The following NCEH1 variants were observed in gnomAD, a reference collection of about 807,000 sequenced individuals.
NCEH1 encodes the protein neutral cholesterol ester hydrolase 1, also known as 2-acetyl MAGE hydrolase.
NCEH1 carries 9 observed loss-of-function variants against 25.4 expected under a neutral mutation model. The observed-to-expected ratio is 0.35, with a 90% CI of 0.21 to 0.62. The LOEUF is 0.62. NCEH1 is among the 20% of genes least tolerant of loss of function. The probability of loss-of-function intolerance (pLI) is 0.72; values close to 1 mark genes in which losing one functional copy is unlikely to be tolerated. For missense variants in NCEH1, 412 were observed against 501.1 expected, an observed-to-expected ratio of 0.82 and a Z score of 1.70; for synonymous variants, 200 against 199.8, an observed-to-expected ratio of 1.00 and a Z score of -0.01.
At chr3:172,673,696 AG>A (rs928642494) in intron 1 of NCEH1, among the ~76,000 whole-genome samples, 51 of 152,240 alleles carry the variant, frequency 3.3e-4, no homozygotes, top group African/African-American at 1.2e-3. Context: ...GAAACAGATT[AG>A]CTGATCAGGC....
chr3:172,673,244 C>A (rs1208482988), intron 1 of NCEH1, among the ~76,000 whole-genome samples: 3 of 152,200 alleles, frequency 2.0e-5, no homozygotes, highest in Non-Finnish European at 4.4e-5. Flanking sequence ...CATAGTAGCT[C>A]TACTAGTCAG....
At chr3:172,669,832 C>T (rs1431493466) in intron 1 of NCEH1, among the ~76,000 whole-genome samples, 2 of 152,160 alleles carry the variant, frequency 1.3e-5, no homozygotes, top group Non-Finnish European at 2.9e-5. Flanking sequence ...CCACTGTGTC[C>T]AGCTCATATC....
chr3:172,663,522 C>T (rs959975594), intron 1 of NCEH1, among the ~76,000 whole-genome samples: 3 of 152,118 alleles, frequency 2.0e-5, no homozygotes, highest in African/African-American at 7.2e-5. Context: ...TTTTTATTAA[C>T]TTTCTGCCTC....
chr3:172,676,428 G>A (rs1712001859), intron 1 of NCEH1, among the ~76,000 whole-genome samples: 1 of 152,010 alleles, frequency 6.6e-6, no homozygotes, highest in African/African-American at 2.4e-5. Flanking sequence ...ATGGCGATCC[G>A]TATTTGCATA....
In NCEH1 at chr3:172,632,365, A is replaced by T. The variant is rs1422328957; in HGVS notation, c.*1110T>A. 2 of 152,336 alleles carry T rather than the reference A, an allele frequency of 1.3e-5. No homozygotes were observed. The allele number at this position is 152,336 out of a possible 1,614,324, so 9.4% of individuals were successfully genotyped here. ...TTTTTAAAAAATACCATTGTTTTTA[A>T]TATTTATTATGGACATCTTTCTGAA... On this transcript the variant is annotated 3_prime_UTR_variant, in exon 5 of 5. Transcript: ENST00000475381.
intron 1 of NCEH1, among the ~76,000 whole-genome samples, chr3:172,649,215 G>A (rs1717276229): frequency 6.6e-6 from 1 of 151,912 alleles, no homozygotes; most frequent in African/African-American, 2.4e-5. Context: ...AACTGTGTGT[G>A]TATATTTTAT....
Position 172,633,377 on chromosome 3 carries a change from G to A in NCEH1, c.*98C>T. The A allele has an allele frequency of 9.0e-7, 1 of 1,115,842 alleles. No individual in the cohort carries two copies. The highest frequency in any genetic ancestry group is 1.5e-5 in the South Asian group (1 of 66,136). 69.1% of individuals were successfully genotyped at this position (1,115,842 alleles called of 1,614,324 possible). On this transcript the variant is annotated 3_prime_UTR_variant, in exon 5 of 5. Transcript: ENST00000475381. ...AATTCCATAACTCGCAAGTAGAGGG[G>A]AATGGGAGGAAGAATTAGTCAACTA... is the stretch of plus-strand genomic sequence containing the variant.
At chr3:172,635,799 A>G in intron 4 of NCEH1, 117 bp downstream of exon 4, 2 of 882,082 alleles carry the variant, frequency 2.3e-6, no homozygotes, top group African/African-American at 1.7e-5. Flanking sequence ...CAATTTGGCC[A>G]TCTAGTGACC....
chr3:172,687,787 T>TA (rs941325221), intron 1 of NCEH1, among the ~76,000 whole-genome samples: 6 of 152,308 alleles, frequency 3.9e-5, no homozygotes, highest in African/African-American at 1.4e-4. Context: ...GGCAATGAGT[T>TA]AAAAAATGTT....
intron 1 of NCEH1, 66 bp downstream of exon 1, chr3:172,710,781 T>TA: frequency 6.4e-7 from 1 of 1,569,034 alleles, no homozygotes; most frequent in South Asian, 1.1e-5. Flanking sequence ...GGCGGAGGAA[T>TA]TTTGTATCCC....
chr3:172,704,970 G>C (rs1432806422), intron 1 of NCEH1, among the ~76,000 whole-genome samples: 2 of 152,198 alleles, frequency 1.3e-5, no homozygotes, highest in African/African-American at 4.8e-5. Flanking sequence ...TTCAATCCAT[G>C]TTAAGTCTAG....
chr3:172,688,986 C>T (rs941090804), intron 1 of NCEH1, among the ~76,000 whole-genome samples: 3 of 152,156 alleles, frequency 2.0e-5, no homozygotes, highest in African/African-American at 4.8e-5. Flanking sequence ...TTCACATATG[C>T]GATCTAATGT....
rs780324526 is a variant in NCEH1, at chr3:172,710,844, C to T, written c.138+3G>A. Reference sequence around the variant, plus strand: ...AGAGAAGCAGCGCTGGGCTGCACCTCACCACTTGCTGTGCACCCCGGAAAG... The same window carrying T: ...AGAGAAGCAGCGCTGGGCTGCACCTTACCACTTGCTGTGCACCCCGGAAAG... On this transcript the variant is annotated splice_donor_region_variant and intron_variant, in intron 1 of 4. Transcript: ENST00000475381. 10 of 1,613,832 alleles carry T rather than the reference C, an allele frequency of 6.2e-6. No homozygotes were observed. The Admixed American group carries it at 1.3e-4, about 22-fold the overall frequency.
At chr3:172,641,532 A>C (rs932708842) in intron 3 of NCEH1, among the ~76,000 whole-genome samples, 1 of 152,174 alleles carries the variant, frequency 6.6e-6, no homozygotes, top group East Asian at 1.9e-4. Flanking sequence ...ATCCACATGA[A>C]AGAATAGCAA....
chr3:172,696,605 C>T (rs1713389892), intron 1 of NCEH1, among the ~76,000 whole-genome samples: 1 of 152,170 alleles, frequency 6.6e-6, no homozygotes, highest in African/African-American at 2.4e-5. Context: ...TGGGTTATGT[C>T]CTCTGTTCAA....
At position 172,633,971 on chromosome 3, in the gene NCEH1, G is replaced by A; in HGVS notation, c.731C>T (p.Pro244Leu). 6.2e-7 allele frequency: 1 copy of A among 1,614,184 alleles called. No homozygotes were observed. Among genetic ancestry groups the A allele is most frequent in the Non-Finnish European group, 8.5e-7 (1 of 1,180,022 alleles). The change falls in exon 5 of 5, where the codon CCC (proline) becomes CTC (leucine). Residue 244 changes from proline (P) to leucine (L), a missense_variant. Pro to Leu is a moderately conservative substitution (Grantham distance 98, BLOSUM62 -3). Around this residue, in one of 3 missense-constraint regions of NCEH1, gnomAD observed 210 missense variants for 258.2 expected, o/e 0.81. Transcript: ENST00000475381. ...YQQNVNTPILPRYVMVKYWVD... is the reference protein window; with the variant it reads ...YQQNVNTPILLRYVMVKYWVD... The stretch of plus-strand genomic sequence containing the variant: ...CCAATACTTCACCATGACATAGCGG[G>A]GCAGGATTGGGGTGTTCACATTTTG...
rs10701435 is a variant in NCEH1 at position 172,701,449 on chromosome 3, C to CTTTTTTTTTTTTTTTTTTTTTTTTTT, written c.138+9397_138+9398insAAAAAAAAAAAAAAAAAAAAAAAAAA. Among the ~76,000 whole-genome samples the CTTTTTTTTTTTTTTTTTTTTTTTTTT allele has an allele frequency of 2.7e-5, 3 of 110,938 alleles. 1 individual carries two copies. The highest frequency in any genetic ancestry group is 1.2e-4 in the African/African-American group (3 of 24,188). The allele number at this position is 110,938 out of a possible 152,430, so 72.8% of individuals were successfully genotyped here. On this transcript the variant is annotated intron_variant, in intron 1 of 4. Coordinates refer to ENST00000475381, the MANE Select transcript of NCEH1 (RefSeq NM_020792.6). Reference sequence around the variant, plus strand: ...TAGTGCTTCCTAGATGGTCTTTTGCCTTTTTTTTTTTTTTTTTAAAGACGG... The same window carrying CTTTTTTTTTTTTTTTTTTTTTTTTTT: ...TAGTGCTTCCTAGATGGTCTTTTGCCTTTTTTTTTTTTTTTTTTTTTTTTTTTTTTTTTTTTTTTTTTTAAAGACGG...
chr3:172,645,095 T>G (rs1360670968), intron 3 of NCEH1, among the ~76,000 whole-genome samples: 2 of 152,222 alleles, frequency 1.3e-5, no homozygotes, highest in African/African-American at 4.8e-5. Context: ...TTATAATTAT[T>G]ATTCACATTC....
At chr3:172,673,006 C>T (rs56142211) in intron 1 of NCEH1, among the ~76,000 whole-genome samples, 26,816 of 152,082 alleles carry the variant, frequency 0.18, 2,575 homozygotes, top group Middle Eastern at 0.23. Flanking sequence ...GCTCAAACTG[C>T]CATCATAGCA....
Sources: gnomAD v4.1 joint callset for allele counts (sites outside exome capture counted in the v4.1 genomes callset) on GRCh38, gnomAD v4.1.1 for gene constraint, gnomAD v4.1.1 regional missense constraint, MANE v1.5 for transcripts, NCBI Gene and HGNC (gene_info 2026-07-23, HGNC 2026-07-21) for gene names.